SLC4A5: variants seen among roughly 807,000 people sequenced by gnomAD.
SLC4A5 encodes the protein electrogenic sodium bicarbonate cotransporter 4.
Under a neutral mutation model 120.4 loss-of-function variants are expected in SLC4A5, and 96 were observed. That is an observed-to-expected ratio of 0.80 (90% CI 0.68 to 0.94). SLC4A5 has a LOEUF of 0.94. Ranked by LOEUF, SLC4A5 falls within the 40% of genes least tolerant of loss-of-function variation. The pLI is 0.00. For missense variants in SLC4A5, 1,259 were observed against 1,459.5 expected (o/e 0.86, Z 2.24); for synonymous variants, 550 against 571.1 (o/e 0.96, Z 0.53).
In SLC4A5 at chr2:74,254,713, A is replaced by C; in HGVS notation, c.1026-7T>G. The stretch of plus-strand genomic sequence containing the variant: ...CAGTAGTATAAACAGAAATCTGCAA[A>C]GAAGATGGAGGAGGAGACAGAGAAG... On this transcript the variant is annotated splice_region_variant and splice_polypyrimidine_tract_variant and intron_variant, in intron 13 of 30. Coordinates refer to ENST00000394019, the Ensembl canonical transcript of SLC4A5. 1 of 1,597,842 alleles carries C rather than the reference A, an allele frequency of 6.3e-7. No individual in the cohort carries two copies. The highest frequency in any genetic ancestry group is 8.6e-7 in the Non-Finnish European group (1 of 1,165,348).
intron 25 of SLC4A5, among the ~76,000 whole-genome samples, chr2:74,228,567 T>C (rs1196093705): frequency 1.3e-5 from 2 of 151,442 alleles, no homozygotes; most frequent in Admixed American, 1.3e-4. Context: ...GAGATGGAGG[T>C]TGCGGTGAGC....
chr2:74,234,682 G>A (rs904514475), intron 22 of SLC4A5, among the ~76,000 whole-genome samples: 2 of 152,194 alleles, frequency 1.3e-5, no homozygotes, highest in African/African-American at 4.8e-5. Flanking sequence ...CATTTCCAAC[G>A]AGTTCCCTGT....
chr2:74,332,602 A>T (rs1673388989), intron 4 of SLC4A5, among the ~76,000 whole-genome samples: 2 of 152,020 alleles, frequency 1.3e-5, no homozygotes, highest in Non-Finnish European at 2.9e-5. Context: ...CCATTCGTTA[A>T]CTTTTTCCTC....
chr2:74,284,935 G>A (rs576950176), intron 8 of SLC4A5, among the ~76,000 whole-genome samples: 2 of 152,218 alleles, frequency 1.3e-5, no homozygotes, highest in African/African-American at 2.4e-5. Flanking sequence ...ATTCAGACTT[G>A]ATGTGCCTGG....
chr2:74,233,618 C>T, intron 22 of SLC4A5, 55 bp from the exon 23 acceptor site: 5 of 1,527,300 alleles, frequency 3.3e-6, no homozygotes, highest in Non-Finnish European at 2.6e-6. Flanking sequence ...TCCCAGGGCA[C>T]TTGTCGCCTG....
chr2:74,273,084 A>G (rs1314944983), intron 8 of SLC4A5, among the ~76,000 whole-genome samples: 1 of 152,216 alleles, frequency 6.6e-6, no homozygotes, highest in East Asian at 1.9e-4. Flanking sequence ...GACTAATTAC[A>G]TCAGAATCTC....
chr2:74,299,377 C>T (rs1204721919), intron 7 of SLC4A5, among the ~76,000 whole-genome samples: 1 of 152,096 alleles, frequency 6.6e-6, no homozygotes, highest in African/African-American at 2.4e-5. Flanking sequence ...TTCATGAGAC[C>T]TGATGGTTTT....
chr2:74,277,783 T>G (rs1264878029), intron 8 of SLC4A5, among the ~76,000 whole-genome samples: 2 of 152,220 alleles, frequency 1.3e-5, no homozygotes, highest in East Asian at 3.9e-4. Context: ...CCAATTATAG[T>G]AAGGAATTTT....
intron 2 of SLC4A5, chr2:74,339,251 G>C (rs989638165): frequency 2.0e-5 from 3 of 152,180 alleles, no homozygotes; most frequent in African/African-American, 7.2e-5. Flanking sequence ...TTAGGGGAGG[G>C]AGAGCATCAG....
chr2:74,310,515 T>G (rs1672772554), intron 6 of SLC4A5, among the ~76,000 whole-genome samples: 1 of 152,126 alleles, frequency 6.6e-6, no homozygotes, highest in Non-Finnish European at 1.5e-5. Context: ...TATGAATAGG[T>G]GTTGGATTTT....
intron 19 of SLC4A5, among the ~76,000 whole-genome samples, chr2:74,244,547 CCTCTT>C (rs753249911): frequency 2.7e-4 from 41 of 150,542 alleles, no homozygotes; most frequent in African/African-American, 3.9e-4. Flanking sequence ...TCTCTTTCCT[CCTCTT>C]CTCTTCTCTC....
chr2:74,238,058 T>C (rs1327671250), intron 21 of SLC4A5, among the ~76,000 whole-genome samples: 1 of 152,056 alleles, frequency 6.6e-6, no homozygotes, highest in African/African-American at 2.4e-5. Context: ...GCCGAGATCA[T>C]GCCATTTCAC....
intron 5 of SLC4A5, 30 bp from the exon 6 acceptor site, chr2:74,315,055 A>T: frequency 6.5e-7 from 1 of 1,548,312 alleles, no homozygotes; most frequent in Non-Finnish European, 8.9e-7. Context: ...CAGCCTCAAA[A>T]TGTATACATT....
chr2:74,298,957 A>G (rs1387206718), intron 7 of SLC4A5, among the ~76,000 whole-genome samples: 2 of 152,030 alleles, frequency 1.3e-5, no homozygotes, highest in South Asian at 4.1e-4. Context: ...CCCAAATCTC[A>G]TCTTGAATTG....
At chr2:74,283,984 T>C (rs945965960) in intron 8 of SLC4A5, among the ~76,000 whole-genome samples, 5 of 151,834 alleles carry the variant, frequency 3.3e-5, no homozygotes, top group Non-Finnish European at 7.4e-5. Flanking sequence ...ACTACAGGTG[T>C]GTGCCACCAC....
intron 8 of SLC4A5, among the ~76,000 whole-genome samples, chr2:74,267,745 C>T (rs1424406348): frequency 6.6e-6 from 1 of 152,182 alleles, no homozygotes; most frequent in African/African-American, 2.4e-5. Context: ...CCTGTGATTC[C>T]AGCACTTTGG....
chr2:74,260,464 A>G lies in SLC4A5; in HGVS notation c.812-821T>C, dbSNP rs909789244. Among the ~76,000 whole-genome samples, 56 of 152,086 alleles carry G rather than the reference A, an allele frequency of 3.7e-4. 1 individual carries two copies. The highest frequency in any genetic ancestry group is 1.2e-4 in the Non-Finnish European group (8 of 68,022). ...CCCATTTGGGCTGAGGATGCCCAGG[A>G]TGGATCTTTAGTCTGACTCCTCTTC... On this transcript the variant is annotated intron_variant, in intron 11 of 30. Coordinates refer to ENST00000394019, the Ensembl canonical transcript of SLC4A5.
chr2:74,218,607 C>G (rs558420842), exon 31 of SLC4A5: 5 of 152,628 alleles, frequency 3.3e-5, no homozygotes, highest in Non-Finnish European at 5.9e-5. Flanking sequence ...CATCTCCCAT[C>G]TGGGAGAAGC....
At chr2:74,234,403 T>A (rs910458772) in intron 22 of SLC4A5, among the ~76,000 whole-genome samples, 2 of 152,144 alleles carry the variant, frequency 1.3e-5, no homozygotes, top group African/African-American at 4.8e-5. Context: ...GGTCTCAATC[T>A]CCTCACCTCA....
Sources: gnomAD v4.1 joint callset for allele counts (sites outside exome capture counted in the v4.1 genomes callset) on GRCh38, gnomAD v4.1.1 for gene constraint, MANE v1.5 for transcripts, NCBI Gene and HGNC (gene_info 2026-07-23, HGNC 2026-07-21) for gene names.